The following PDE4B variants were observed in gnomAD, a reference collection of about 807,000 sequenced individuals.
The protein encoded by PDE4B is phosphodiesterase 4B.
PDE4B carries 20 observed loss-of-function variants against 82.2 expected under a neutral mutation model. That is an observed-to-expected ratio of 0.24 (90% CI 0.17 to 0.35). PDE4B has a LOEUF of 0.35. PDE4B is among the 10% of genes least tolerant of loss of function. PDE4B has a pLI of 1.00. For missense variants in PDE4B, 655 were observed against 907.2 expected, an observed-to-expected ratio of 0.72 and a Z score of 3.57; for synonymous variants, 320 against 318.9, an observed-to-expected ratio of 1.00 and a Z score of -0.04.
chr1:66,345,153 C>G (rs1186055768), intron 8 of PDE4B, among the ~76,000 whole-genome samples: 1 of 151,610 alleles, frequency 6.6e-6, no homozygotes, highest in Non-Finnish European at 1.5e-5. Flanking sequence ...CCGATTTGTC[C>G]AAGTCCTTTA....
At chr1:66,086,743 C>G (rs1040468575) in intron 3 of PDE4B, among the ~76,000 whole-genome samples, 45 of 152,236 alleles carry the variant, frequency 3.0e-4, no homozygotes, top group Admixed American at 1.0e-3. Context: ...TCATCTTTAT[C>G]CTAATTCTTT....
intron 3 of PDE4B, among the ~76,000 whole-genome samples, chr1:66,209,932 T>C (rs12048959): frequency 6.6e-6 from 1 of 152,148 alleles, no homozygotes; most frequent in Non-Finnish European, 1.5e-5. Flanking sequence ...TCTCCTGATG[T>C]GTATATGGTT....
chr1:65,820,176 A>G (rs1277995210), intron 1 of PDE4B, among the ~76,000 whole-genome samples: 1 of 152,212 alleles, frequency 6.6e-6, no homozygotes, highest in Non-Finnish European at 1.5e-5. Context: ...ATATTGAAGG[A>G]ATACAGAGAT....
chr1:65,981,648 T>G (rs1650695272), intron 3 of PDE4B, among the ~76,000 whole-genome samples: 1 of 152,148 alleles, frequency 6.6e-6, no homozygotes, highest in Non-Finnish European at 1.5e-5. Flanking sequence ...CTTGGGTAAT[T>G]CATCTAATGT....
intron 3 of PDE4B, among the ~76,000 whole-genome samples, chr1:66,204,265 GTA>G (rs1649330696): frequency 1.3e-5 from 2 of 152,266 alleles, no homozygotes; most frequent in Non-Finnish European, 2.9e-5. Context: ...CTACTGGGCA[GTA>G]CCTCCCAGTT....
intron 3 of PDE4B, among the ~76,000 whole-genome samples, chr1:66,209,463 G>A (rs780209685): frequency 1.3e-5 from 2 of 152,106 alleles, no homozygotes; most frequent in Non-Finnish European, 2.9e-5. Context: ...AACTACCCTG[G>A]TAGTTTAGAG....
intron 3 of PDE4B, among the ~76,000 whole-genome samples, chr1:66,082,078 A>G (rs1656770085): frequency 6.6e-6 from 1 of 152,154 alleles, no homozygotes; most frequent in Non-Finnish European, 1.5e-5. Flanking sequence ...GTAAGAAAAT[A>G]AAATCAGAGG....
chr1:66,074,495 C>T (rs1180982423), intron 3 of PDE4B, among the ~76,000 whole-genome samples: 1 of 152,056 alleles, frequency 6.6e-6, no homozygotes, highest in Non-Finnish European at 1.5e-5. Context: ...ACAATATTTA[C>T]CATTTTAACC....
intron 7 of PDE4B, among the ~76,000 whole-genome samples, chr1:66,317,701 G>A (rs539915849): frequency 5.7e-4 from 86 of 152,124 alleles, no homozygotes; most frequent in African/African-American, 1.7e-3. Flanking sequence ...GTTCGAGACC[G>A]GCCTGAGCAA....
At chr1:65,819,206 T>C (rs1645922179) in intron 1 of PDE4B, among the ~76,000 whole-genome samples, 1 of 152,074 alleles carries the variant, frequency 6.6e-6, no homozygotes, top group South Asian at 2.1e-4. Flanking sequence ...ATAATCCACC[T>C]AGAGGGATGG....
chr1:66,303,220 A>T (rs879857968), intron 7 of PDE4B, among the ~76,000 whole-genome samples: 4 of 152,056 alleles, frequency 2.6e-5, no homozygotes, highest in Non-Finnish European at 4.4e-5. Context: ...TTGCTTCCAC[A>T]TTGCCCTCAG....
chr1:66,365,517 C>A (rs1663170612), intron 12 of PDE4B, 150 bp from the exon 13 acceptor site: 1 of 529,998 alleles, frequency 1.9e-6, no homozygotes, highest in Non-Finnish European at 3.4e-6. Context: ...TGAACAGAAT[C>A]TACATTTACT....
At chr1:65,887,721 C>A (rs1010549306) in intron 1 of PDE4B, among the ~76,000 whole-genome samples, 11 of 151,894 alleles carry the variant, frequency 7.2e-5, no homozygotes, top group Non-Finnish European at 1.5e-5. Flanking sequence ...CCCAGCCCAG[C>A]ACTTATTTTC....
At chr1:66,277,967 C>T (rs1336004684) in intron 7 of PDE4B, among the ~76,000 whole-genome samples, 1 of 152,146 alleles carries the variant, frequency 6.6e-6, no homozygotes, top group Non-Finnish European at 1.5e-5. Context: ...AATAATAGAA[C>T]CTTCTGCATA....
chr1:66,239,553 G>C (rs1049934298), intron 3 of PDE4B, among the ~76,000 whole-genome samples: 3 of 152,146 alleles, frequency 2.0e-5, no homozygotes, highest in Non-Finnish European at 4.4e-5. Context: ...TTATTTCTGA[G>C]AAACATTTTT....
At chr1:66,250,126 C>A (rs1281265969) in intron 4 of PDE4B, among the ~76,000 whole-genome samples, 1 of 152,172 alleles carries the variant, frequency 6.6e-6, no homozygotes, top group African/African-American at 2.4e-5. Context: ...GCTCTTAAAG[C>A]TATTTCATAT....
At chr1:66,059,284 TC>T (rs1655464295) in intron 3 of PDE4B, among the ~76,000 whole-genome samples, 1 of 152,194 alleles carries the variant, frequency 6.6e-6, no homozygotes, top group South Asian at 2.1e-4. Flanking sequence ...TCTAGGAAGT[TC>T]CAAGCCTTCC....
At chr1:66,304,239 G>A (rs913319843) in intron 7 of PDE4B, among the ~76,000 whole-genome samples, 1 of 152,070 alleles carries the variant, frequency 6.6e-6, no homozygotes, top group African/African-American at 2.4e-5. Context: ...AACATTACAG[G>A]CATTGTGCTG....
At chr1:66,086,359 C>T (rs1044948835) in intron 3 of PDE4B, among the ~76,000 whole-genome samples, 1 of 152,026 alleles carries the variant, frequency 6.6e-6, no homozygotes, top group African/African-American at 2.4e-5. Context: ...TCTTTTCTAC[C>T]TGAGATTTTC....
Sources: allele counts gnomAD v4.1 joint callset (sites outside exome capture counted in the v4.1 genomes callset), GRCh38; gene constraint gnomAD v4.1.1; transcripts MANE v1.5; gene names NCBI Gene and HGNC (gene_info 2026-07-23, HGNC 2026-07-21).